Variants in QSOX2 observed in about 807,000 individuals in gnomAD.
QSOX2 encodes the protein sulfhydryl oxidase 2.
QSOX2 carries 46 observed loss-of-function variants against 61.7 expected under a neutral mutation model. That is an observed-to-expected ratio of 0.75 (90% CI 0.59 to 0.95). QSOX2 has a LOEUF of 0.95. Ranked by LOEUF, QSOX2 falls within the 40% of genes least tolerant of loss-of-function variation. The probability of loss-of-function intolerance (pLI) is 0.00; values close to 1 mark genes in which losing one functional copy is unlikely to be tolerated. For synonymous variants in QSOX2, 383 were observed against 388.4 expected, an observed-to-expected ratio of 0.99 and a Z score of 0.16; for missense variants, 879 against 918.9, an observed-to-expected ratio of 0.96 and a Z score of 0.56.
At chr9:136,237,185 T>C (rs1225789501) in intron 1 of QSOX2, among the ~76,000 whole-genome samples, 9 of 127,302 alleles carry the variant, frequency 7.1e-5, no homozygotes, top group African/African-American at 1.5e-4. Flanking sequence ...GCCCGTCCTG[T>C]GCCACACCTG....
At chr9:136,226,393 T>C (rs1024050625) in intron 2 of QSOX2, among the ~76,000 whole-genome samples, 1 of 152,184 alleles carries the variant, frequency 6.6e-6, no homozygotes, top group Non-Finnish European at 1.5e-5. Flanking sequence ...TGAGTGTGCA[T>C]GTGTGAGAGC....
chr9:136,220,968 T>A (rs2131056148), intron 6 of QSOX2, among the ~76,000 whole-genome samples: 1 of 152,320 alleles, frequency 6.6e-6, no homozygotes, highest in Non-Finnish European at 1.5e-5. Flanking sequence ...CCCAGCCTCA[T>A]TTTTCTCACT....
chr9:136,240,506 A>G (rs988546560), intron 1 of QSOX2, among the ~76,000 whole-genome samples: 1 of 152,204 alleles, frequency 6.6e-6, no homozygotes, highest in Non-Finnish European at 1.5e-5. Context: ...AGTCAGGGCC[A>G]TGCTGGGGTC....
At chr9:136,237,078 C>T (rs565583348) in intron 1 of QSOX2, among the ~76,000 whole-genome samples, 11 of 131,334 alleles carry the variant, frequency 8.4e-5, no homozygotes, top group African/African-American at 2.3e-4. Context: ...ACCTGGTGCC[C>T]GTCCTGTGCC....
chr9:136,210,544 G>A (rs1259410602), intron 11 of QSOX2: 18 of 985,328 alleles, frequency 1.8e-5, no homozygotes, highest in African/African-American at 1.6e-4. Flanking sequence ...GAGAAGCTGC[G>A]CTGACCGAGG....
intron 1 of QSOX2, among the ~76,000 whole-genome samples, chr9:136,240,089 G>C (rs1406933063): frequency 8.0e-6 from 1 of 124,242 alleles, no homozygotes; most frequent in Non-Finnish European, 1.6e-5. Context: ...CCAGCTGAGA[G>C]GCACAGGGTG....
rs1554758406 is a variant in QSOX2, at chr9:136,245,511, G to C, written c.293C>G (p.Ala98Gly). 1 of 1,594,098 alleles carries C rather than the reference G, an allele frequency of 6.3e-7. No homozygotes were observed. Among genetic ancestry groups the C allele is most frequent in the Non-Finnish European group, 8.5e-7 (1 of 1,177,508 alleles). Residue 98 changes from alanine (A) to glycine (G), a missense_variant, in exon 1 of 12, where the codon GCG becomes GGG. Physicochemically the swap from Ala to Gly is moderately conservative, Grantham distance 60 (BLOSUM62 0). Coordinates refer to ENST00000358701, the MANE Select transcript of QSOX2 (RefSeq NM_181701.4). ...SSWCGHCIGY[A>G]PTWRALAGDV... ...CCCAGCCAGGGCCCGCCAAGTGGGC[G>C]CGTAGCCGATGCAGTGGCCACACCA...
At position 136,221,647 on chromosome 9, in the gene QSOX2, T is replaced by C. The variant is rs999896579; in HGVS notation, c.821+149A>G. ...GCACAGATCAGCAATACCCACGGGC[T>C]GAGAGCCAGGGCCCAAATCTGCCCA... is the stretch of plus-strand genomic sequence containing the variant. On this transcript the variant is annotated intron_variant, in intron 6 of 11. Coordinates refer to ENST00000358701, the MANE Select transcript of QSOX2 (RefSeq NM_181701.4). The surrounding 1 kb of genome is among the most constrained non-coding windows in gnomAD (Gnocchi z 4.5). The C allele has an allele frequency of 1.3e-6, 1 of 756,660 alleles. No individual in the cohort carries two copies. Among genetic ancestry groups the C allele is most frequent in the Non-Finnish European group, 2.0e-6 (1 of 494,382 alleles). The allele number at this position is 756,660 out of a possible 1,614,324, so 46.9% of individuals were successfully genotyped here.
chr9:136,231,551 G>A (rs957389884), intron 1 of QSOX2, among the ~76,000 whole-genome samples: 6 of 152,358 alleles, frequency 3.9e-5, no homozygotes, highest in Admixed American at 2.0e-4. Context: ...GCAGGGATCC[G>A]TGTCCAATCA....
chr9:136,208,902 G>C lies in QSOX2; in HGVS notation c.1923C>G (p.Ala641=). The C allele has an allele frequency of 1.2e-6, 2 of 1,613,936 alleles. No individual in the cohort carries two copies. The highest frequency in any genetic ancestry group is 8.5e-7 in the Non-Finnish European group (1 of 1,180,008). Residue 641 remains alanine, a synonymous_variant, in exon 12 of 12, where the codon GCC becomes GCG. Transcript: ENST00000358701. ...GTGCGGCCCCGCCCACCTCCTTGTGGGCCCCGGGCCCATCCAGACTCTGGA... is the reference window on the plus strand; with the variant it reads ...GTGCGGCCCCGCCCACCTCCTTGTGCGCCCCGGGCCCATCCAGACTCTGGA... ...GKLQSLDGPG[A]HKEVGGAAPF...
At chr9:136,241,488 CA>C (rs1448901285) in intron 1 of QSOX2, among the ~76,000 whole-genome samples, 11 of 152,184 alleles carry the variant, frequency 7.2e-5, no homozygotes, top group African/African-American at 2.7e-4. Flanking sequence ...GAGCTGGCAG[CA>C]ATCACAGAAT....
Position 136,223,680 on chromosome 9 carries a change from G to A in QSOX2, c.675+83C>T, listed in dbSNP as rs1222313544. On this transcript the variant is annotated intron_variant, in intron 5 of 11. Coordinates refer to ENST00000358701, the MANE Select transcript of QSOX2 (RefSeq NM_181701.4). This position sits in a 1 kb window ranked among gnomAD's most constrained non-coding sequence, Gnocchi z 4.4. Reference sequence around the variant, plus strand: ...GACACGAGATGCCGACACAGTGACCGGCACCTGCAAATCTCATCACAGATC... The same window carrying A: ...GACACGAGATGCCGACACAGTGACCAGCACCTGCAAATCTCATCACAGATC... The A allele has an allele frequency of 3.9e-5, 41 of 1,038,402 alleles. No individual in the cohort carries two copies. The highest frequency in any genetic ancestry group is 5.6e-5 in the Non-Finnish European group (38 of 683,956). 64.3% of individuals were successfully genotyped at this position (1,038,402 alleles called of 1,614,324 possible).
At chr9:136,236,367 C>T (rs1300745003) in intron 1 of QSOX2, among the ~76,000 whole-genome samples, 6 of 152,248 alleles carry the variant, frequency 3.9e-5, no homozygotes, top group African/African-American at 1.4e-4. Flanking sequence ...CCGGACTAGA[C>T]GGATATTCAC....
In QSOX2 at chr9:136,222,637, C is replaced by T. The variant is rs138545147; in HGVS notation, c.676-696G>A. On this transcript the variant is annotated intron_variant, in intron 5 of 11. Coordinates refer to ENST00000358701, the MANE Select transcript of QSOX2 (RefSeq NM_181701.4). This position sits in a 1 kb window ranked among gnomAD's most constrained non-coding sequence, Gnocchi z 6.9. ...AGAGCTGATCGCTACTCTGGGGCCA[C>T]ACTGGTCTCTGCTCTGGGCCATGCC... Among the ~76,000 whole-genome samples the T allele has an allele frequency of 2.4e-4, 37 of 152,286 alleles. No homozygotes were observed. The highest frequency in any genetic ancestry group is 8.7e-4 in the African/African-American group (36 of 41,566).
At chr9:136,227,012 T>C (rs1830288629) in intron 1 of QSOX2, 138 bp from the exon 2 acceptor site, 4 of 684,912 alleles carry the variant, frequency 5.8e-6, no homozygotes, top group Non-Finnish European at 1.1e-5. Context: ...AGTTAGGCCC[T>C]CATCACACAG....
chr9:136,215,016 C>G lies in QSOX2; in HGVS notation c.1360+138G>C, dbSNP rs2131051462. The G allele has an allele frequency of 5.8e-6, 6 of 1,042,540 alleles. No individual in the cohort carries two copies. The South Asian group carries it at 7.7e-5, about 13-fold the overall frequency. The allele number at this position is 1,042,540 out of a possible 1,614,324, so 64.6% of individuals were successfully genotyped here. A position where few individuals can be genotyped will look rare whatever the true frequency, so the allele number is the denominator to read the frequency against. ...GGTGAGCTGACCGTGTGAGAGGAGTCTGAAGTGCCATTCCCCTGCCTCAGT... is the reference window on the plus strand; with the variant it reads ...GGTGAGCTGACCGTGTGAGAGGAGTGTGAAGTGCCATTCCCCTGCCTCAGT... On this transcript the variant is annotated intron_variant, in intron 10 of 11. Coordinates refer to ENST00000358701, the MANE Select transcript of QSOX2 (RefSeq NM_181701.4).
intron 1 of QSOX2, among the ~76,000 whole-genome samples, chr9:136,238,999 C>A (rs1830413671): frequency 6.6e-6 from 1 of 152,186 alleles, no homozygotes; most frequent in Admixed American, 6.5e-5. Context: ...AACAAAAGGT[C>A]CCCTGGACAC....
Position 136,245,529 on chromosome 9 carries a change from C to A in QSOX2, c.275G>T (p.Gly92Val). 6.3e-7 allele frequency: 1 copy of A among 1,594,266 alleles called. No homozygotes were observed. Among genetic ancestry groups the A allele is most frequent in the Non-Finnish European group, 8.5e-7 (1 of 1,177,526 alleles). The change falls in exon 1 of 12, where the codon GGC becomes GTC. Residue 92 changes from glycine to valine, a missense_variant. Physicochemically the swap from Gly to Val is moderately radical, Grantham distance 109. Transcript: ENST00000358701. ...AGTGGGCGCGTAGCCGATGCAGTGG[C>A]CACACCACGACGAGTAGAACTGCAC... ...WLVQFYSSWC[G>V]HCIGYAPTWR...
rs1282351017 is a variant in QSOX2 at position 136,208,929 on chromosome 9, T to G, written c.1896A>C (p.Lys632Asn). The change falls in exon 12 of 12, where the codon AAA becomes AAC. Residue 632 changes from lysine to asparagine, a missense_variant. Transcript: ENST00000358701. ...PESLHHSLDG[K>N]LQSLDGPGAH... ...CCCCGGGCCCATCCAGACTCTGGAG[T>G]TTCCCGTCCAAGCTGTGATGCAAGC... 6.2e-7 allele frequency: 1 copy of G among 1,613,182 alleles called. No homozygotes were observed. The highest frequency in any genetic ancestry group is 1.7e-5 in the Admixed American group (1 of 59,958).
Sources: gnomAD v4.1 joint callset for allele counts (sites outside exome capture counted in the v4.1 genomes callset) on GRCh38, gnomAD v4.1.1 for gene constraint, Gnocchi (gnomAD v3.1) non-coding constraint, MANE v1.5 for transcripts, NCBI Gene and HGNC (gene_info 2026-07-23, HGNC 2026-07-21) for gene names.